Variants in TMEM266 observed in about 807,000 individuals in gnomAD.
TMEM266 encodes the protein Hv1 related protein 1.
In TMEM266, 33 loss-of-function variants were observed where a neutral mutation model predicts 50.5. That is an observed-to-expected ratio of 0.65 (90% CI 0.50 to 0.87). The LOEUF is 0.87. TMEM266 is among the 40% of genes least tolerant of loss of function. TMEM266 has a pLI of 0.00. For missense variants in TMEM266, 655 were observed against 695.1 expected (o/e 0.94, Z 0.65); for synonymous variants, 310 against 292.3 (o/e 1.06, Z -0.62).
At chr15:76,119,766 C>CAAAAA (rs35165074) in intron 1 of TMEM266, among the ~76,000 whole-genome samples, 2 of 148,000 alleles carry the variant, frequency 1.4e-5, no homozygotes, top group African/African-American at 5.0e-5. Flanking sequence ...GACTTGGTCT[C>CAAAAA]AAAAAAAAAA....
intron 9 of TMEM266, among the ~76,000 whole-genome samples, chr15:76,192,851 G>A (rs1357767760): frequency 6.6e-6 from 1 of 152,220 alleles, no homozygotes; most frequent in African/African-American, 2.4e-5. Context: ...TCCTCACAGG[G>A]CTGCTGCGAG....
At chr15:76,133,159 C>T (rs982916439) in intron 1 of TMEM266, among the ~76,000 whole-genome samples, 5 of 151,324 alleles carry the variant, frequency 3.3e-5, no homozygotes, top group African/African-American at 7.3e-5. Flanking sequence ...TCAGGCCGGG[C>T]GCGGTGGCTC....
chr15:76,101,900 C>T (rs1259716349), intron 1 of TMEM266, among the ~76,000 whole-genome samples: 1 of 152,226 alleles, frequency 6.6e-6, no homozygotes, highest in African/African-American at 2.4e-5. Context: ...CTCCATTGGA[C>T]GGGGCACTTG....
At chr15:76,146,652 A>G (rs72736819) in intron 3 of TMEM266, among the ~76,000 whole-genome samples, 1,594 of 152,350 alleles carry the variant, frequency 0.01, 15 homozygotes, top group Non-Finnish European at 0.017. Context: ...ATAAGGACTG[A>G]AATAATTTTA....
chr15:76,173,139 C>T (rs1348306641), intron 7 of TMEM266, among the ~76,000 whole-genome samples: 3 of 152,234 alleles, frequency 2.0e-5, no homozygotes, highest in East Asian at 1.9e-4. Flanking sequence ...CATCTTGGGG[C>T]GGCCTCTGGA....
chr15:76,177,239 T>C (rs955562637), intron 8 of TMEM266, among the ~76,000 whole-genome samples: 2 of 152,256 alleles, frequency 1.3e-5, no homozygotes, highest in African/African-American at 4.8e-5. Context: ...CAAGCCTTAG[T>C]CCAACTCACA....
chr15:76,192,066 G>A lies in TMEM266; in HGVS notation c.867G>A (p.Gln289=). ...TCCAGGCCCCGCACGTGCTCAGCCAGCCGCGCAGCCGCTTCAAAGTGTTGG... is the reference window on the plus strand; with the variant it reads ...TCCAGGCCCCGCACGTGCTCAGCCAACCGCGCAGCCGCTTCAAAGTGTTGG... Residue 289 remains glutamine (Q), a synonymous_variant, in exon 9 of 11, where the codon CAG becomes CAA. Coordinates refer to ENST00000388942, the MANE Select transcript of TMEM266 (RefSeq NM_152335.3). The A allele has an allele frequency of 6.7e-7, 1 of 1,486,322 alleles. No individual in the cohort carries two copies. The highest frequency in any genetic ancestry group is 8.9e-7 in the Non-Finnish European group (1 of 1,123,998). The allele number at this position is 1,486,322 out of a possible 1,614,324, so 92.1% of individuals were successfully genotyped here.
chr15:76,152,078 C>T (rs1213118170), intron 3 of TMEM266, among the ~76,000 whole-genome samples: 1 of 152,186 alleles, frequency 6.6e-6, no homozygotes, highest in East Asian at 1.9e-4. Flanking sequence ...ATCCCACCCC[C>T]AGTCTCCATG....
chr15:76,191,664 C>G (rs1567182761), intron 8 of TMEM266: 1 of 324,156 alleles, frequency 3.1e-6, no homozygotes, highest in Non-Finnish European at 5.7e-6. Flanking sequence ...CCTGACTCCC[C>G]GTCCAGTGGC....
intron 1 of TMEM266, among the ~76,000 whole-genome samples, chr15:76,086,753 T>C (rs1179707003): frequency 1.3e-5 from 2 of 152,082 alleles, no homozygotes; most frequent in South Asian, 4.1e-4. Flanking sequence ...TTATACCCTA[T>C]GCAAACGTCT....
chr15:76,092,790 C>T (rs2036866404), intron 1 of TMEM266, among the ~76,000 whole-genome samples: 1 of 146,622 alleles, frequency 6.8e-6, no homozygotes, highest in African/African-American at 2.5e-5. Context: ...CATGACAATG[C>T]TATGAGTTAG....
rs191227276 is a variant in TMEM266 at position 76,121,649 on chromosome 15, T to G, written c.-96-12519T>G. Among the ~76,000 whole-genome samples, 935 of 152,292 alleles carry G rather than the reference T, an allele frequency of 6.1e-3. 4 individuals carry two copies. The highest frequency in any genetic ancestry group is 7.4e-3 in the Non-Finnish European group (500 of 68,016). On this transcript the variant is annotated intron_variant, in intron 1 of 10. Coordinates refer to ENST00000388942, the MANE Select transcript of TMEM266 (RefSeq NM_152335.3). Reference sequence around the variant, plus strand: ...TCAGGCTGGTCTCAAACTCCTGACCTTAAGTGATCCGCCTGCCTCGGCCTC... The same window carrying G: ...TCAGGCTGGTCTCAAACTCCTGACCGTAAGTGATCCGCCTGCCTCGGCCTC...
chr15:76,068,773 T>A (rs2036484231), intron 1 of TMEM266, among the ~76,000 whole-genome samples: 1 of 152,150 alleles, frequency 6.6e-6, no homozygotes, highest in Non-Finnish European at 1.5e-5. Flanking sequence ...GAAAATAACT[T>A]TCTGTTGTTT....
chr15:76,201,974 C>G (rs879625), intron 9 of TMEM266, among the ~76,000 whole-genome samples: 43,193 of 152,156 alleles, frequency 0.28, 6,564 homozygotes, highest in East Asian at 0.56. Context: ...AGTACTAAGG[C>G]AGATGCTTCA....
chr15:76,202,493 T>C (rs1321830623), intron 10 of TMEM266, among the ~76,000 whole-genome samples: 1 of 152,200 alleles, frequency 6.6e-6, no homozygotes, highest in Non-Finnish European at 1.5e-5. Flanking sequence ...AGGGGTGCTC[T>C]GTGATCACCC....
chr15:76,175,548 C>T lies in TMEM266; in HGVS notation c.653-11C>T, dbSNP rs2142064669. The T allele has an allele frequency of 6.2e-7, 1 of 1,608,406 alleles. No homozygotes were observed. Among genetic ancestry groups the T allele is most frequent in the South Asian group, 1.1e-5 (1 of 90,702 alleles). On this transcript the variant is annotated splice_polypyrimidine_tract_variant and intron_variant, in intron 7 of 10. Transcript: ENST00000388942. ...TGCTGAATTCTTTACAGGGCTGTCT[C>T]TGTCTTCCAGCCTACGTCCTGCCAG...
At position 76,139,430 on chromosome 15, in the gene TMEM266, A is replaced by G. The variant is rs1473490371; in HGVS notation, c.227+1535A>G. Among the ~76,000 whole-genome samples the G allele has an allele frequency of 1.3e-5, 2 of 152,226 alleles. No homozygotes were observed. The highest frequency in any genetic ancestry group is 2.9e-5 in the Non-Finnish European group (2 of 68,044). On this transcript the variant is annotated intron_variant, in intron 3 of 10. Coordinates refer to ENST00000388942, the MANE Select transcript of TMEM266 (RefSeq NM_152335.3). This position sits in a 1 kb window ranked among gnomAD's most constrained non-coding sequence, Gnocchi z 4.1. ...CTGTCCTGAGCTCTGTCAGGTCCTT[A>G]CCATCTTGAAGGCCGGGCTGAAACC... is the stretch of plus-strand genomic sequence containing the variant.
chr15:76,160,343 GAGC>G lies in TMEM266; in HGVS notation c.456+176_456+178del. Among the ~76,000 whole-genome samples, 1 of 152,318 alleles carries G rather than the reference GAGC, an allele frequency of 6.6e-6. No homozygotes were observed. Among genetic ancestry groups the G allele is most frequent in the South Asian group, 2.1e-4 (1 of 4,826 alleles). On this transcript the variant is annotated intron_variant, in intron 5 of 10. Coordinates refer to ENST00000388942, the MANE Select transcript of TMEM266 (RefSeq NM_152335.3). This position sits in a 1 kb window ranked among gnomAD's most constrained non-coding sequence, Gnocchi z 5.7. ...TCTCTGCGGGGGGAAGTGGTACAGG[GAGC>G]CCAACCCAGCCAGGGGGGTTTGGCC...
rs1207938324 is a variant in TMEM266 at position 76,139,330 on chromosome 15, T to C, written c.227+1435T>C. 6.6e-6 allele frequency among the ~76,000 whole-genome samples: 1 copy of C among 152,210 alleles called. No individual in the cohort carries two copies. Among genetic ancestry groups the C allele is most frequent in the Admixed American group, 6.5e-5 (1 of 15,286 alleles). On this transcript the variant is annotated intron_variant, in intron 3 of 10. Coordinates refer to ENST00000388942, the MANE Select transcript of TMEM266 (RefSeq NM_152335.3). This position sits in a 1 kb window ranked among gnomAD's most constrained non-coding sequence, Gnocchi z 4.1. Reference sequence around the variant, plus strand: ...TAATTTTTCCAAGTATTATGCATATTGTCATCAGGACACTGGACAAAAAAG... The same window carrying C: ...TAATTTTTCCAAGTATTATGCATATCGTCATCAGGACACTGGACAAAAAAG...
Sources: gnomAD v4.1 joint callset for allele counts (sites outside exome capture counted in the v4.1 genomes callset) on GRCh38, gnomAD v4.1.1 for gene constraint, Gnocchi (gnomAD v3.1) non-coding constraint, MANE v1.5 for transcripts, NCBI Gene and HGNC (gene_info 2026-07-23, HGNC 2026-07-21) for gene names.